GSK3B: variants seen among roughly 807,000 people sequenced by gnomAD.
GSK3B encodes glycogen synthase kinase 3 beta, also known as glycogen synthase kinase-3 beta.
GSK3B carries 15 observed loss-of-function variants against 56.4 expected under a neutral mutation model. The ratio of observed to expected loss-of-function variants is 0.27; its 90% confidence interval spans 0.18 to 0.41. GSK3B has a LOEUF of 0.41. Among genes scored for constraint, GSK3B ranks in the 10% least tolerant of loss-of-function variants. GSK3B has a pLI of 1.00. For synonymous variants in GSK3B, 181 were observed against 188.9 expected, an observed-to-expected ratio of 0.96 and a Z score of 0.34; for missense variants, 300 against 513.4, an observed-to-expected ratio of 0.58 and a Z score of 4.02.
chr3:120,089,624 C>G (rs112787247), intron 1 of GSK3B, among the ~76,000 whole-genome samples: 1 of 152,104 alleles, frequency 6.6e-6, no homozygotes, highest in African/African-American at 2.4e-5. Flanking sequence ...GAGGAAACAA[C>G]TTAAGTGATA....
rs192742664 is a variant in GSK3B, at chr3:119,973,810, G to A, written c.283-26459C>T. Among the ~76,000 whole-genome samples, 573 of 152,100 alleles carry A rather than the reference G, an allele frequency of 3.8e-3. 4 individuals are homozygous for A. Among genetic ancestry groups the A allele is most frequent in the African/African-American group, 0.012 (515 of 41,464 alleles). ...GAAAAAAATGGTACATATAGGATTC[G>A]GTACTATTCATGGTTTTAGGCATCC... On this transcript the variant is annotated intron_variant, in intron 2 of 10. Coordinates refer to ENST00000264235, the MANE Select transcript of GSK3B (RefSeq NM_001146156.2).
Position 120,070,031 on chromosome 3 carries a change from G to T in GSK3B, c.88+23316C>A, listed in dbSNP as rs183541096. ...AGATCGAGACCATCCTGGCCAAAAT[G>T]GCGAAACCCCGTCTATACTAAAAAT... On this transcript the variant is annotated intron_variant, in intron 1 of 10. Coordinates refer to ENST00000264235, the MANE Select transcript of GSK3B (RefSeq NM_001146156.2). Among the ~76,000 whole-genome samples the T allele has an allele frequency of 4.3e-3, 647 of 152,146 alleles. 1 individual carries two copies. Among genetic ancestry groups the T allele is most frequent in the African/African-American group, 0.015 (611 of 41,494 alleles).
chr3:120,074,411 G>C (rs2058352997), intron 1 of GSK3B, among the ~76,000 whole-genome samples: 1 of 150,754 alleles, frequency 6.6e-6, no homozygotes, highest in Non-Finnish European at 1.5e-5. Flanking sequence ...GAGTGCAGTG[G>C]CACGATCTTG....
chr3:119,938,881 T>C (rs1223446280), intron 3 of GSK3B, among the ~76,000 whole-genome samples: 1 of 152,066 alleles, frequency 6.6e-6, no homozygotes, highest in East Asian at 1.9e-4. Flanking sequence ...TAAATCTACA[T>C]AGCCAACTTC....
chr3:119,950,139 T>C (rs1407197141), intron 2 of GSK3B, among the ~76,000 whole-genome samples: 3 of 152,168 alleles, frequency 2.0e-5, no homozygotes, highest in Non-Finnish European at 4.4e-5. Context: ...AAGAATGTTA[T>C]CTTAGAAGCC....
chr3:119,983,806 A>C (rs960277808), intron 2 of GSK3B, among the ~76,000 whole-genome samples: 1 of 152,046 alleles, frequency 6.6e-6, no homozygotes, highest in African/African-American at 2.4e-5. Context: ...CAACTACAAA[A>C]GGTTAACAAG....
chr3:120,025,734 T>TA (rs1320290139), intron 1 of GSK3B, among the ~76,000 whole-genome samples: 1 of 152,100 alleles, frequency 6.6e-6, no homozygotes, highest in African/African-American at 2.4e-5. Context: ...AGAAAAAAAT[T>TA]AGTCACCTAA....
At chr3:119,956,398 G>A (rs150479649) in intron 2 of GSK3B, among the ~76,000 whole-genome samples, 243 of 152,280 alleles carry the variant, frequency 1.6e-3, no homozygotes, top group Middle Eastern at 3.4e-3. Context: ...CACATTATCC[G>A]AAATGCTTGG....
intron 1 of GSK3B, among the ~76,000 whole-genome samples, chr3:120,061,722 A>AATTTATTT (rs200808389): frequency 1.1e-4 from 16 of 151,844 alleles, no homozygotes; most frequent in African/African-American, 1.5e-4. Flanking sequence ...AGAATATATG[A>AATTTATTT]ATTTATTTAT....
In GSK3B at chr3:119,946,335, TA is replaced by T. The variant is rs951410779; in HGVS notation, c.366+932del. Among the ~76,000 whole-genome samples, 15 of 150,596 alleles carry T rather than the reference TA, an allele frequency of 1.0e-4. 1 individual carries two copies. In the South Asian group the frequency reaches 2.3e-3, roughly 23 times the overall value. On this transcript the variant is annotated intron_variant, in intron 3 of 10. Coordinates refer to ENST00000264235, the MANE Select transcript of GSK3B (RefSeq NM_001146156.2). ...AAATGTTGTCAGGCAATATTTGCTG[TA>T]AAAAAAAAGCTTAATAGAAAATGGC...
intron 1 of GSK3B, among the ~76,000 whole-genome samples, chr3:120,018,693 T>G (rs2057847717): frequency 6.6e-6 from 1 of 152,190 alleles, no homozygotes; most frequent in African/African-American, 2.4e-5. Flanking sequence ...TAACCACACA[T>G]TTTGAGTAAG....
At chr3:119,993,145 G>GAA (rs57361961) in intron 2 of GSK3B, among the ~76,000 whole-genome samples, 134 of 131,142 alleles carry the variant, frequency 1.0e-3, no homozygotes, top group Admixed American at 1.5e-3. Context: ...GTGTAAGGAA[G>GAA]AAAAAAAAAA....
chr3:119,974,032 T>C (rs1027300634), intron 2 of GSK3B, among the ~76,000 whole-genome samples: 14 of 152,298 alleles, frequency 9.2e-5, no homozygotes, highest in Middle Eastern at 3.4e-3. Flanking sequence ...GAAAAAAATC[T>C]AGGTGTCCTT....
At chr3:119,895,723 T>C (rs2056555617) in intron 7 of GSK3B, among the ~76,000 whole-genome samples, 1 of 152,144 alleles carries the variant, frequency 6.6e-6, no homozygotes, top group African/African-American at 2.4e-5. Context: ...ACAATAAATA[T>C]AAAGGTTTAT....
At position 120,060,484 on chromosome 3, in the gene GSK3B, T is replaced by C. The variant is rs2058227248; in HGVS notation, c.88+32863A>G. ...GGCTCACCCCTGTAATCTCAGCACT[T>C]AGGGAGCCGAGGCGGGAGAATCACT... is the stretch of plus-strand genomic sequence containing the variant. On this transcript the variant is annotated intron_variant, in intron 1 of 10. Coordinates refer to ENST00000264235, the MANE Select transcript of GSK3B (RefSeq NM_001146156.2). Among the ~76,000 whole-genome samples the C allele has an allele frequency of 2.6e-5, 4 of 152,118 alleles. 1 individual carries two copies. The highest frequency in any genetic ancestry group is 3.9e-4 in the East Asian group (2 of 5,178).
At chr3:119,948,843 C>T (rs1263745721) in intron 2 of GSK3B, among the ~76,000 whole-genome samples, 3 of 152,102 alleles carry the variant, frequency 2.0e-5, no homozygotes, top group Non-Finnish European at 2.9e-5. Flanking sequence ...GGATTACAGG[C>T]GCCTGCCACC....
chr3:120,060,212 A>G (rs1157693464), intron 1 of GSK3B, among the ~76,000 whole-genome samples: 1 of 152,232 alleles, frequency 6.6e-6, no homozygotes, highest in Non-Finnish European at 1.5e-5. Flanking sequence ...TGTTAGAAGG[A>G]AAAAATATAG....
At chr3:119,954,282 T>A (rs942824214) in intron 2 of GSK3B, among the ~76,000 whole-genome samples, 2 of 131,588 alleles carry the variant, frequency 1.5e-5, no homozygotes, top group African/African-American at 5.6e-5. Flanking sequence ...TAGAATAGAA[T>A]AGAATAGAAT....
At chr3:120,037,994 A>G (rs939651853) in intron 1 of GSK3B, among the ~76,000 whole-genome samples, 2 of 152,216 alleles carry the variant, frequency 1.3e-5, no homozygotes, top group African/African-American at 4.8e-5. Context: ...TAGCTATAAC[A>G]TATGCAAGAT....
Sources: gnomAD v4.1 joint callset for allele counts (sites outside exome capture counted in the v4.1 genomes callset) on GRCh38, gnomAD v4.1.1 for gene constraint, MANE v1.5 for transcripts, NCBI Gene and HGNC (gene_info 2026-07-23, HGNC 2026-07-21) for gene names.